Variants in PCDHB10 observed in about 807,000 individuals in gnomAD.
PCDHB10 encodes the protein protocadherin beta 10.
For synonymous variants in PCDHB10, 448 were observed against 449.2 expected (o/e 1.00, Z 0.04); for missense variants, 1,046 against 1,004.7 (o/e 1.04, Z -0.56).
rs370827065 is a variant in PCDHB10, at chr5:141,193,994, G to T, written c.1442G>T (p.Gly481Val). 1.2e-5 allele frequency: 19 copies of T among 1,609,664 alleles called. No homozygotes were observed. In the African/African-American group the frequency reaches 2.0e-4, roughly 17 times the overall value. Residue 481 changes from glycine (G) to valine (V), a missense_variant, in exon 1 of 1, where the codon GGC (glycine) becomes GTC (valine). Gly to Val is a moderately radical substitution (Grantham distance 109, BLOSUM62 -3). Coordinates refer to ENST00000239446, the MANE Select transcript of PCDHB10 (RefSeq NM_018930.4). Reference protein sequence around the residue: ...GSVSATDRDSGTNAQVTYSLL... With the variant: ...GSVSATDRDSVTNAQVTYSLL... ...GTCAGCGCCACAGACAGAGACTCGG[G>T]CACCAACGCCCAGGTCACCTACTCG...
rs782443842 is a variant in PCDHB10 at position 141,194,253 on chromosome 5, C to T, written c.1701C>T (p.Asn567=). Residue 567 remains asparagine, a synonymous_variant, in exon 1 of 1, where the codon AAC becomes AAT. Coordinates refer to ENST00000239446, the MANE Select transcript of PCDHB10 (RefSeq NM_018930.4). ...CCTTCGTGCTGTACCCGCTGCAGAA[C>T]GGCTCCGCGCCCTGCACCGAGCTGG... is the stretch of plus-strand genomic sequence containing the variant. ...NSPFVLYPLQ[N]GSAPCTELVP... is the part of the protein sequence containing the mutation. 109 of 1,605,358 alleles carry T rather than the reference C, an allele frequency of 6.8e-5. No individual in the cohort carries two copies. The highest frequency in any genetic ancestry group is 9.4e-5 in the African/African-American group (7 of 74,742).
chr5:141,192,931 A>T lies in PCDHB10; in HGVS notation c.379A>T (p.Asn127Tyr). The T allele has an allele frequency of 6.2e-7, 1 of 1,614,168 alleles. No homozygotes were observed. The highest frequency in any genetic ancestry group is 8.5e-7 in the Non-Finnish European group (1 of 1,180,040). Residue 127 changes from asparagine to tyrosine, a missense_variant, in exon 1 of 1, where the codon AAT (asparagine) becomes TAT (tyrosine). Asn to Tyr is a moderately radical substitution (Grantham distance 143, BLOSUM62 -2). Coordinates refer to ENST00000239446, the MANE Select transcript of PCDHB10 (RefSeq NM_018930.4). ...GGCTGAGCTGAGAGTCAGGGATATAAATGATCACGCGCCAGTATTTCAGGA... is the reference window on the plus strand; with the variant it reads ...GGCTGAGCTGAGAGTCAGGGATATATATGATCACGCGCCAGTATTTCAGGA... The part of the protein sequence containing the change: ...YRAELRVRDI[N>Y]DHAPVFQDKE...
At position 141,195,078 on chromosome 5, in the gene PCDHB10, C is replaced by A; in HGVS notation, c.*123C>A. 9.6e-7 allele frequency: 1 copy of A among 1,043,080 alleles called. No homozygotes were observed. Among genetic ancestry groups the A allele is most frequent in the Non-Finnish European group, 1.3e-6 (1 of 745,084 alleles). 64.6% of individuals were successfully genotyped at this position (1,043,080 alleles called of 1,614,324 possible). A position where few individuals can be genotyped will look rare whatever the true frequency, so the allele number is the denominator to read the frequency against. On this transcript the variant is annotated 3_prime_UTR_variant, in exon 1 of 1. Coordinates refer to ENST00000239446, the MANE Select transcript of PCDHB10 (RefSeq NM_018930.4). ...AGCATTATTTTCAAGTAGTATACCCCTGTGGTTTTACAATGTTTCATCATT... is the reference window on the plus strand; with the variant it reads ...AGCATTATTTTCAAGTAGTATACCCATGTGGTTTTACAATGTTTCATCATT...
chr5:141,193,088 A>G lies in PCDHB10; in HGVS notation c.536A>G (p.His179Arg), dbSNP rs782012482. ...NYTISPNSFF[H>R]INISGGDEGM... ...ACGATCAGCCCCAACTCTTTTTTCC[A>G]TATTAACATTAGTGGCGGTGATGAA... Residue 179 changes from histidine to arginine, a missense_variant, in exon 1 of 1, where the codon CAT becomes CGT. His to Arg is a conservative substitution (Grantham distance 29). Transcript: ENST00000239446. 9 of 1,614,146 alleles carry G rather than the reference A, an allele frequency of 5.6e-6. No homozygotes were observed. Among genetic ancestry groups the G allele is most frequent in the East Asian group, 2.2e-5 (1 of 44,892 alleles).
rs782542174 is a variant in PCDHB10, at chr5:141,194,076, G to A, written c.1524G>A (p.Ala508=). ...TCGCCTCCCTGGTCTCCATCAACGC[G>A]GACAACGGCCACCTGTTCGCCCTCA... is the stretch of plus-strand genomic sequence containing the variant. ...LPLASLVSIN[A]DNGHLFALRS... is the part of the protein sequence containing the mutation. Residue 508 remains alanine, a synonymous_variant, in exon 1 of 1, where the codon GCG becomes GCA. Coordinates refer to ENST00000239446, the MANE Select transcript of PCDHB10 (RefSeq NM_018930.4). The A allele has an allele frequency of 4.5e-5, 72 of 1,603,676 alleles. No individual in the cohort carries two copies. Among genetic ancestry groups the A allele is most frequent in the East Asian group, 1.8e-4 (8 of 44,746 alleles).
At position 141,193,968 on chromosome 5, in the gene PCDHB10, CG is replaced by C. The variant is rs1753978756; in HGVS notation, c.1417del (p.Val473SerfsTer69). Reference protein sequence around the residue: ...NNSPALHIGSVSATDRDSGTN... With the variant: ...NNSPALHIGSXSATDRDSGTN... Reference sequence around the variant, plus strand: ...ACAGCCCCGCCCTGCACATCGGCAGCGTCAGCGCCACAGACAGAGACTCGGG... The same window carrying C: ...ACAGCCCCGCCCTGCACATCGGCAGCTCAGCGCCACAGACAGAGACTCGGG... On this transcript the variant is annotated frameshift_variant, in exon 1 of 1. Transcript: ENST00000239446. LOFTEE classifies it low-confidence loss of function (END_TRUNC). The C allele has an allele frequency of 6.2e-7, 1 of 1,610,694 alleles. No homozygotes were observed. The highest frequency in any genetic ancestry group is 8.5e-7 in the Non-Finnish European group (1 of 1,179,048).
Position 141,193,969 on chromosome 5 carries a change from G to A in PCDHB10, c.1417G>A (p.Val473Ile), listed in dbSNP as rs17844566. The stretch of plus-strand genomic sequence containing the variant: ...CAGCCCCGCCCTGCACATCGGCAGC[G>A]TCAGCGCCACAGACAGAGACTCGGG... Reference protein sequence around the residue: ...NNSPALHIGSVSATDRDSGTN... With the variant: ...NNSPALHIGSISATDRDSGTN... The change falls in exon 1 of 1, where the codon GTC (valine) becomes ATC (isoleucine). Residue 473 changes from valine to isoleucine, a missense_variant. Transcript: ENST00000239446. 120 of 1,611,114 alleles carry A rather than the reference G, an allele frequency of 7.4e-5. 1 individual carries two copies. The highest frequency in any genetic ancestry group is 4.4e-4 in the Middle Eastern group (2 of 4,582).
rs377233818 is a variant in PCDHB10, at chr5:141,194,728, C to A, written c.2176C>A (p.Arg726Ser). 37 of 1,611,882 alleles carry A rather than the reference C, an allele frequency of 2.3e-5. No homozygotes were observed. Among genetic ancestry groups the A allele is most frequent in the African/African-American group, 4.0e-5 (3 of 74,764 alleles). ...CRRSRAASVG[R>S]CSVPEGPFPG... ...GAGGAGCAGGGCGGCCTCGGTGGGT[C>A]GCTGCTCGGTGCCCGAGGGTCCTTT... is the stretch of plus-strand genomic sequence containing the variant. The change falls in exon 1 of 1, where the codon CGC becomes AGC. Residue 726 changes from arginine (R) to serine (S), a missense_variant. Arg to Ser is a moderately radical substitution (Grantham distance 110). Coordinates refer to ENST00000239446, the MANE Select transcript of PCDHB10 (RefSeq NM_018930.4).
Position 141,195,063 on chromosome 5 carries a change from T to A in PCDHB10, c.*108T>A. 1.7e-6 allele frequency: 2 copies of A among 1,195,366 alleles called. No individual in the cohort carries two copies. The highest frequency in any genetic ancestry group is 2.3e-6 in the Non-Finnish European group (2 of 862,910). The allele number at this position is 1,195,366 out of a possible 1,614,324, so 74.0% of individuals were successfully genotyped here. On this transcript the variant is annotated 3_prime_UTR_variant, in exon 1 of 1. Coordinates refer to ENST00000239446, the MANE Select transcript of PCDHB10 (RefSeq NM_018930.4). ...TATTATGCAACTTCAAGCATTATTT[T>A]CAAGTAGTATACCCCTGTGGTTTTA...
rs782703918 is a variant in PCDHB10 at position 141,193,429 on chromosome 5, C to G, written c.877C>G (p.Gln293Glu). The G allele has an allele frequency of 6.2e-7, 1 of 1,614,144 alleles. No homozygotes were observed. Among genetic ancestry groups the G allele is most frequent in the South Asian group, 1.1e-5 (1 of 91,066 alleles). The change falls in exon 1 of 1, where the codon CAA becomes GAA. Residue 293 changes from glutamine to glutamate, a missense_variant. Coordinates refer to ENST00000239446, the MANE Select transcript of PCDHB10 (RefSeq NM_018930.4). Reference protein sequence around the residue: ...DASENIRTTFQINPFSGEIFL... With the variant: ...DASENIRTTFEINPFSGEIFL... ...CTCAGAAAATATTCGAACAACCTTT[C>G]AAATCAATCCTTTTTCTGGGGAAAT...
Position 141,193,292 on chromosome 5 carries a change from A to G in PCDHB10, c.740A>G (p.Tyr247Cys). 6.2e-7 allele frequency: 1 copy of G among 1,614,078 alleles called. No homozygotes were observed. Among genetic ancestry groups the G allele is most frequent in the Non-Finnish European group, 8.5e-7 (1 of 1,180,018 alleles). ...DNAPQFAQAL[Y>C]ETQAPENSPI... ...GCCCCACAGTTTGCCCAGGCTCTGT[A>G]TGAGACCCAGGCTCCAGAAAACAGC... is the stretch of plus-strand genomic sequence containing the variant. The change falls in exon 1 of 1, where the codon TAT (tyrosine) becomes TGT (cysteine). Residue 247 changes from tyrosine to cysteine, a missense_variant. Tyr to Cys is a radical substitution (Grantham distance 194, BLOSUM62 -2). Transcript: ENST00000239446.
chr5:141,194,720 C>T lies in PCDHB10; in HGVS notation c.2168C>T (p.Ser723Leu), dbSNP rs542464770. Reference protein sequence around the residue: ...VRLCRRSRAASVGRCSVPEGP... With the variant: ...VRLCRRSRAALVGRCSVPEGP... ...CTGTGCAGGAGGAGCAGGGCGGCCTCGGTGGGTCGCTGCTCGGTGCCCGAG... is the reference window on the plus strand; with the variant it reads ...CTGTGCAGGAGGAGCAGGGCGGCCTTGGTGGGTCGCTGCTCGGTGCCCGAG... Residue 723 changes from serine (S) to leucine (L), a missense_variant, in exon 1 of 1, where the codon TCG becomes TTG. Transcript: ENST00000239446. 3 of 1,611,558 alleles carry T rather than the reference C, an allele frequency of 1.9e-6. No homozygotes were observed. Among genetic ancestry groups the T allele is most frequent in the African/African-American group, 1.3e-5 (1 of 74,982 alleles).
chr5:141,192,513 T>G lies in PCDHB10; in HGVS notation c.-40T>G. On this transcript the variant is annotated 5_prime_UTR_variant, in exon 1 of 1. Coordinates refer to ENST00000239446, the MANE Select transcript of PCDHB10 (RefSeq NM_018930.4). The stretch of plus-strand genomic sequence containing the variant: ...ACTGCTGTTCTTTTATGCTGGGAGC[T>G]GTGGCTGTAACCAACTAGGAAATAA... The G allele has an allele frequency of 6.3e-7, 1 of 1,594,804 alleles. No individual in the cohort carries two copies. The highest frequency in any genetic ancestry group is 8.5e-7 in the Non-Finnish European group (1 of 1,170,914).
In PCDHB10 at chr5:141,195,056, A is replaced by T; in HGVS notation, c.*101A>T. On this transcript the variant is annotated 3_prime_UTR_variant, in exon 1 of 1. Transcript: ENST00000239446. The stretch of plus-strand genomic sequence containing the variant: ...TTTAAGTTATTATGCAACTTCAAGC[A>T]TTATTTTCAAGTAGTATACCCCTGT... The T allele has an allele frequency of 5.4e-6, 7 of 1,301,268 alleles. No homozygotes were observed. Among genetic ancestry groups the T allele is most frequent in the Non-Finnish European group, 6.3e-6 (6 of 957,810 alleles). 80.6% of individuals were successfully genotyped at this position (1,301,268 alleles called of 1,614,324 possible). A position where few individuals can be genotyped will look rare whatever the true frequency, so the allele number is the denominator to read the frequency against.
Position 141,193,640 on chromosome 5 carries a change from C to A in PCDHB10, c.1088C>A (p.Thr363Lys), listed in dbSNP as rs781925646. The stretch of plus-strand genomic sequence containing the variant: ...TCTGTTGCTGAGAATTCTCCTGAGA[C>A]GCCGCTGGCTGTTTTTAAGATTAAT... ...SNSVAENSPE[T>K]PLAVFKINDR... The change falls in exon 1 of 1, where the codon ACG (threonine) becomes AAG (lysine). Residue 363 changes from threonine to lysine, a missense_variant. By Grantham distance (78) the Thr-to-Lys change is moderately conservative. Transcript: ENST00000239446. 3.1e-6 allele frequency: 5 copies of A among 1,614,084 alleles called. No homozygotes were observed. In the Admixed American group the frequency reaches 6.7e-5, roughly 22 times the overall value.
chr5:141,192,886 G>C lies in PCDHB10; in HGVS notation c.334G>C (p.Asp112His), dbSNP rs200863835. Residue 112 changes from aspartate (D) to histidine (H), a missense_variant, in exon 1 of 1, where the codon GAT becomes CAT. Physicochemically the swap from Asp to His is moderately conservative, Grantham distance 81. Transcript: ENST00000239446. ...GCTGTATTTCCAAATTTTAATGGAT[G>C]ATCCCTTTCAGATTTACCGGGCTGA... The part of the protein sequence containing the change: ...CMLYFQILMD[D>H]PFQIYRAELR... 2.8e-5 allele frequency: 45 copies of C among 1,613,794 alleles called. No individual in the cohort carries two copies. Among genetic ancestry groups the C allele is most frequent in the Non-Finnish European group, 2.5e-6 (3 of 1,179,998 alleles).
chr5:141,193,676 C>T lies in PCDHB10; in HGVS notation c.1124C>T (p.Ser375Phe). The change falls in exon 1 of 1, where the codon TCT (serine) becomes TTT (phenylalanine). Residue 375 changes from serine (S) to phenylalanine (F), a missense_variant. Ser to Phe is a radical substitution (Grantham distance 155). Coordinates refer to ENST00000239446, the MANE Select transcript of PCDHB10 (RefSeq NM_018930.4). Reference sequence around the variant, plus strand: ...GTTTTTAAGATTAATGACAGAGACTCTGGAGAAAATGGAAAGATGGTTTGC... The same window carrying T: ...GTTTTTAAGATTAATGACAGAGACTTTGGAGAAAATGGAAAGATGGTTTGC... ...LAVFKINDRD[S>F]GENGKMVCYI... The T allele has an allele frequency of 6.2e-7, 1 of 1,614,120 alleles. No individual in the cohort carries two copies. The highest frequency in any genetic ancestry group is 1.6e-4 in the Middle Eastern group (1 of 6,062).
In PCDHB10 at chr5:141,192,429, G is replaced by C. The variant is rs189582523; in HGVS notation, c.-124G>C. ...AGAGAAGCTTTAGCTGCCAAAGATT[G>C]GGAAAGGGAAAGGACAAAAAAGACC... On this transcript the variant is annotated 5_prime_UTR_variant, in exon 1 of 1. Transcript: ENST00000239446. The C allele has an allele frequency of 1.6e-6, 2 of 1,238,604 alleles. No individual in the cohort carries two copies. The highest frequency in any genetic ancestry group is 1.1e-6 in the Non-Finnish European group (1 of 884,820). The allele number at this position is 1,238,604 out of a possible 1,614,324, so 76.7% of individuals were successfully genotyped here.
In PCDHB10 at chr5:141,193,276, T is replaced by C; in HGVS notation, c.724T>C (p.Phe242Leu). Reference sequence around the variant, plus strand: ...GGACGTCAATGACAATGCCCCACAGTTTGCCCAGGCTCTGTATGAGACCCA... The same window carrying C: ...GGACGTCAATGACAATGCCCCACAGCTTGCCCAGGCTCTGTATGAGACCCA... ...VLDVNDNAPQFAQALYETQAP... is the reference protein window; with the variant it reads ...VLDVNDNAPQLAQALYETQAP... The change falls in exon 1 of 1, where the codon TTT (phenylalanine) becomes CTT (leucine). Residue 242 changes from phenylalanine (F) to leucine (L), a missense_variant. Phe to Leu is a conservative substitution (Grantham distance 22, BLOSUM62 0). Coordinates refer to ENST00000239446, the MANE Select transcript of PCDHB10 (RefSeq NM_018930.4). 7 of 1,614,038 alleles carry C rather than the reference T, an allele frequency of 4.3e-6. No individual in the cohort carries two copies. Among genetic ancestry groups the C allele is most frequent in the Non-Finnish European group, 5.9e-6 (7 of 1,180,000 alleles).
Sources: allele counts gnomAD v4.1 joint callset, GRCh38; gene constraint gnomAD v4.1.1; transcripts MANE v1.5; gene names NCBI Gene and HGNC (gene_info 2026-07-23, HGNC 2026-07-21).